BCKDHB: variants seen among roughly 807,000 people sequenced by gnomAD.
BCKDHB encodes the protein 2-oxoisovalerate dehydrogenase subunit beta, mitochondrial.
Under a neutral mutation model 48.5 loss-of-function variants are expected in BCKDHB, and 41 were observed. That is an observed-to-expected ratio of 0.85 (90% CI 0.66 to 1.10). The LOEUF is 1.10. Among genes scored for constraint, BCKDHB ranks in the 50% least tolerant of loss-of-function variants. The probability of loss-of-function intolerance (pLI) is 0.00; values close to 1 mark genes in which losing one functional copy is unlikely to be tolerated. For missense variants in BCKDHB, 496 were observed against 494.2 expected (o/e 1.00, Z -0.03); for synonymous variants, 201 against 174.8 (o/e 1.15, Z -1.18).
the BCKDHB span, among the ~76,000 whole-genome samples, chr6:80,455,000 C>G: frequency 6.6e-6 from 1 of 152,180 alleles, no homozygotes; most frequent in Non-Finnish European, 1.5e-5. Flanking sequence ...CTAATCACTT[C>G]TGCTGGAAAA....
chr6:80,451,047 C>T, the BCKDHB span, among the ~76,000 whole-genome samples: 1 of 152,100 alleles, frequency 6.6e-6, no homozygotes, highest in Non-Finnish European at 1.5e-5. Context: ...TTAGAGACTT[C>T]TTGTAGCCAG....
At chr6:80,395,692 A>G in the BCKDHB span, among the ~76,000 whole-genome samples, 29 of 152,218 alleles carry the variant, frequency 1.9e-4, no homozygotes, top group Non-Finnish European at 4.1e-4. Context: ...GCTGAATGTT[A>G]ATTACCAAGG....
chr6:80,403,501 A>T, the BCKDHB span, among the ~76,000 whole-genome samples: 16 of 151,994 alleles, frequency 1.1e-4, no homozygotes, highest in Non-Finnish European at 2.2e-4. Flanking sequence ...GGTTTTCTTT[A>T]TATAAGATCA....
chr6:80,230,957 C>T (rs1333797181), intron 8 of BCKDHB, among the ~76,000 whole-genome samples: 1 of 152,172 alleles, frequency 6.6e-6, no homozygotes. Context: ...CACATGAACT[C>T]CAGAGGACAC....
chr6:80,324,658 C>T lies in BCKDHB; in HGVS notation c.1039-19006C>T, dbSNP rs148382782. On this transcript the variant is annotated intron_variant, in intron 9 of 9. Transcript: ENST00000320393. ...GGCAAAACTTCCTAATTTTGATACA[C>T]CTTTCCCTTTCTCACTACCCTCCCT... is the stretch of plus-strand genomic sequence containing the variant. Among the ~76,000 whole-genome samples the T allele has an allele frequency of 3.3e-5, 5 of 152,214 alleles. No homozygotes were observed. In the East Asian group the frequency reaches 9.7e-4, roughly 29 times the overall value.
the BCKDHB span, among the ~76,000 whole-genome samples, chr6:80,376,788 A>G: frequency 6.6e-6 from 1 of 152,210 alleles, no homozygotes; most frequent in Admixed American, 6.5e-5. Context: ...AACTTGAAAG[A>G]GCAACTTGTC....
intron 8 of BCKDHB, among the ~76,000 whole-genome samples, chr6:80,225,363 G>A (rs1333463673): frequency 6.6e-6 from 1 of 152,160 alleles, no homozygotes; most frequent in Non-Finnish European, 1.5e-5. Context: ...GATATGTTAA[G>A]CAGATGCACA....
intron 9 of BCKDHB, among the ~76,000 whole-genome samples, chr6:80,281,703 C>T (rs956215098): frequency 3.9e-5 from 6 of 152,162 alleles, no homozygotes. Context: ...AATTTGCAGT[C>T]CTCCCTGGCA....
At chr6:80,440,882 G>A in the BCKDHB span, 1 of 152,166 alleles carries the variant, frequency 6.6e-6, no homozygotes, top group East Asian at 1.9e-4. Flanking sequence ...TTCTAATATG[G>A]AGACAGTTCC....
In BCKDHB at chr6:80,203,177, A is replaced by G. The variant is rs1386265988; in HGVS notation, c.916A>G (p.Thr306Ala). The change falls in exon 8 of 10, where the codon ACT (threonine) becomes GCT (alanine). Residue 306 changes from threonine to alanine, a missense_variant. Transcript: ENST00000320393. ...GVSCEVIDLR[T>A]IIPWDVDTIC... Reference sequence around the variant, plus strand: ...GTCTTGTGAAGTCATTGATCTGAGGACTATAATACCTTGGGATGTGGACAC... The same window carrying G: ...GTCTTGTGAAGTCATTGATCTGAGGGCTATAATACCTTGGGATGTGGACAC... 1.9e-6 allele frequency: 3 copies of G among 1,611,978 alleles called. No individual in the cohort carries two copies. Among genetic ancestry groups the G allele is most frequent in the East Asian group, 2.2e-5 (1 of 44,832 alleles).
chr6:80,419,323 C>A, the BCKDHB span, among the ~76,000 whole-genome samples: 11 of 152,158 alleles, frequency 7.2e-5, no homozygotes, highest in Non-Finnish European at 1.3e-4. Context: ...AATTCACCAG[C>A]ACAGAAGCTA....
At chr6:80,143,770 A>G (rs1008012749) in intron 3 of BCKDHB, among the ~76,000 whole-genome samples, 4 of 152,170 alleles carry the variant, frequency 2.6e-5, no homozygotes, top group African/African-American at 9.6e-5. Flanking sequence ...GCATCCTGCC[A>G]TCCTTCCCCT....
the BCKDHB span, among the ~76,000 whole-genome samples, chr6:80,434,206 T>A: frequency 3.7e-4 from 57 of 152,204 alleles, no homozygotes; most frequent in African/African-American, 1.3e-3. Flanking sequence ...TTTCAAATAT[T>A]GCTTTTCTTC....
At chr6:80,368,203 A>C in the BCKDHB span, among the ~76,000 whole-genome samples, 1 of 152,194 alleles carries the variant, frequency 6.6e-6, no homozygotes, top group African/African-American at 2.4e-5. Flanking sequence ...CTGCCTGCTG[A>C]ATACATCTCA....
chr6:80,359,134 CT>C, the BCKDHB span, among the ~76,000 whole-genome samples: 1 of 152,236 alleles, frequency 6.6e-6, no homozygotes, highest in South Asian at 2.1e-4. Flanking sequence ...TAGTTCCCAT[CT>C]TTTGTTCCTT....
the BCKDHB span, among the ~76,000 whole-genome samples, chr6:80,437,955 A>C: frequency 3.3e-5 from 5 of 152,320 alleles, no homozygotes; most frequent in East Asian, 9.7e-4. Context: ...ACCTTGGTGC[A>C]CTGTCTTCCT....
chr6:80,210,288 A>G (rs1774863162), intron 8 of BCKDHB, among the ~76,000 whole-genome samples: 1 of 152,176 alleles, frequency 6.6e-6, no homozygotes. Context: ...TAAAAATGTA[A>G]TGGAATAATG....
chr6:80,250,096 A>T (rs986121372), intron 8 of BCKDHB, among the ~76,000 whole-genome samples: 1 of 152,090 alleles, frequency 6.6e-6, no homozygotes, highest in South Asian at 2.1e-4. Context: ...CTCAGAGAGT[A>T]GTTAGTATCC....
chr6:80,285,329 A>G (rs1766574741), intron 9 of BCKDHB, among the ~76,000 whole-genome samples: 1 of 152,218 alleles, frequency 6.6e-6, no homozygotes, highest in Non-Finnish European at 1.5e-5. Context: ...TTGATAAAAT[A>G]GTCTTCTAAT....
Sources: gnomAD v4.1 joint callset for allele counts (sites outside exome capture counted in the v4.1 genomes callset) on GRCh38, gnomAD v4.1.1 for gene constraint, MANE v1.5 for transcripts, NCBI Gene and HGNC (gene_info 2026-07-23, HGNC 2026-07-21) for gene names.